The following MDGA2 variants were observed in gnomAD, a reference collection of about 807,000 sequenced individuals.
The protein encoded by MDGA2 is MAM domain containing glycosylphosphatidylinositol anchor 2.
MDGA2 carries 40 observed loss-of-function variants against 117.8 expected under a neutral mutation model. That is an observed-to-expected ratio of 0.34 (90% confidence interval 0.26 to 0.44). The LOEUF (loss-of-function observed/expected upper bound fraction) is 0.44, where lower values mean the gene tolerates loss of function less well. MDGA2 is among the 20% of genes least tolerant of loss of function. MDGA2 has a pLI of 1.00. For synonymous variants in MDGA2, 452 were observed against 439.0 expected (o/e 1.03, Z -0.37); for missense variants, 1,123 against 1,250.6 (o/e 0.90, Z 1.54).
intron 1 of MDGA2, among the ~76,000 whole-genome samples, chr14:47,330,006 C>A (rs1890249457): frequency 6.6e-6 from 1 of 151,866 alleles, no homozygotes. Flanking sequence ...AATATTCAAA[C>A]TGATGTTTAT....
chr14:46,864,725 G>C (rs1188688486), intron 14 of MDGA2, among the ~76,000 whole-genome samples: 1 of 151,212 alleles, frequency 6.6e-6, no homozygotes, highest in African/African-American at 2.4e-5. Flanking sequence ...TGAGAGCATA[G>C]ACTAATTCTT....
chr14:46,961,308 A>C (rs1002848874), intron 8 of MDGA2, among the ~76,000 whole-genome samples: 1 of 151,860 alleles, frequency 6.6e-6, no homozygotes, highest in Non-Finnish European at 1.5e-5. Flanking sequence ...TAACACCTCT[A>C]TTTCCTTCTT....
intron 14 of MDGA2, among the ~76,000 whole-genome samples, chr14:46,865,662 C>A (rs1448365178): frequency 6.6e-6 from 1 of 152,036 alleles, no homozygotes; most frequent in Non-Finnish European, 1.5e-5. Context: ...AGCCCAAAAT[C>A]TCCTGAAGCT....
At chr14:47,446,103 T>G (rs1893116305) in intron 1 of MDGA2, among the ~76,000 whole-genome samples, 1 of 152,120 alleles carries the variant, frequency 6.6e-6, no homozygotes, top group Admixed American at 6.6e-5. Flanking sequence ...AACTTTTTAC[T>G]CACTTCCTTA....
rs148212651 is a variant in MDGA2 at position 47,197,401 on chromosome 14, A to G, written c.595+20620T>C. 3.6e-4 allele frequency among the ~76,000 whole-genome samples: 55 copies of G among 152,100 alleles called. 1 individual carries two copies. The East Asian group carries it at 9.9e-3, about 27-fold the overall frequency. ...CAAAGCAAGAAGACAGCCATCTGCAAAGCAGAAAGTGCTCCGTGGCTCACT... is the reference window on the plus strand; with the variant it reads ...CAAAGCAAGAAGACAGCCATCTGCAGAGCAGAAAGTGCTCCGTGGCTCACT... On this transcript the variant is annotated intron_variant, in intron 3 of 16. Coordinates refer to ENST00000399232, the MANE Select transcript of MDGA2 (RefSeq NM_001113498.3).
chr14:46,901,442 T>C (rs2138447698), intron 10 of MDGA2, among the ~76,000 whole-genome samples: 1 of 152,318 alleles, frequency 6.6e-6, no homozygotes, highest in African/African-American at 2.4e-5. Context: ...TGCTTCTTGA[T>C]AGCATCTGTG....
chr14:47,169,971 T>G (rs1047409069), intron 3 of MDGA2, among the ~76,000 whole-genome samples: 36 of 152,072 alleles, frequency 2.4e-4, no homozygotes, highest in African/African-American at 8.2e-4. Flanking sequence ...AACATTCCAG[T>G]CAGGCCAAGA....
At chr14:47,476,749 T>C (rs887726869) in intron 1 of MDGA2, among the ~76,000 whole-genome samples, 1 of 152,166 alleles carries the variant, frequency 6.6e-6, no homozygotes, top group Non-Finnish European at 1.5e-5. Context: ...ATAGAGAAAA[T>C]ATAATTGAAA....
intron 3 of MDGA2, among the ~76,000 whole-genome samples, chr14:47,150,698 T>C (rs1594671439): frequency 6.6e-6 from 1 of 151,884 alleles, no homozygotes; most frequent in Non-Finnish European, 1.5e-5. Flanking sequence ...CCAAGGCAGG[T>C]GGATCACCTG....
Position 47,096,847 on chromosome 14 carries a change from A to G in MDGA2, c.1195+7T>C, listed in dbSNP as rs1418570219. ...TCTACGTTGTAACATTCTTTCAGCA[A>G]ACTTACCTCTCACAATGATGTTGGT... On this transcript the variant is annotated splice_region_variant and intron_variant, in intron 6 of 16. Transcript: ENST00000399232. 2 of 1,610,734 alleles carry G rather than the reference A, an allele frequency of 1.2e-6. No homozygotes were observed. The highest frequency in any genetic ancestry group is 1.7e-6 in the Non-Finnish European group (2 of 1,177,466).
rs1232849176 is a variant in MDGA2, at chr14:47,473,346, T to G, written c.281-171796A>C. Among the ~76,000 whole-genome samples, 7 of 152,256 alleles carry G rather than the reference T, an allele frequency of 4.6e-5. No homozygotes were observed. The East Asian group carries it at 1.4e-3, about 29-fold the overall frequency. ...CCATGGATGTAACAACTCTCACTTA[T>G]TACATAAACTATAACAATACTAATA... On this transcript the variant is annotated intron_variant, in intron 1 of 16. Coordinates refer to ENST00000399232, the MANE Select transcript of MDGA2 (RefSeq NM_001113498.3).
intron 3 of MDGA2, among the ~76,000 whole-genome samples, chr14:47,170,768 T>C (rs1376979409): frequency 2.0e-5 from 3 of 152,204 alleles, no homozygotes; most frequent in Non-Finnish European, 4.4e-5. Context: ...CTGACAAGTC[T>C]ACTTAAGAAA....
chr14:47,177,762 G>T lies in MDGA2; in HGVS notation c.596-33488C>A, dbSNP rs1884534086. ...ACACGTATACATATGTAACTAACTT[G>T]CACATTGTGCACATGTACCCTAAAA... On this transcript the variant is annotated intron_variant, in intron 3 of 16. Coordinates refer to ENST00000399232, the MANE Select transcript of MDGA2 (RefSeq NM_001113498.3). Among the ~76,000 whole-genome samples, 5 of 151,768 alleles carry T rather than the reference G, an allele frequency of 3.3e-5. No homozygotes were observed. The South Asian group carries it at 1.0e-3, about 32-fold the overall frequency.
intron 1 of MDGA2, among the ~76,000 whole-genome samples, chr14:47,462,418 A>G (rs2138594783): frequency 6.6e-6 from 1 of 152,058 alleles, no homozygotes; most frequent in Non-Finnish European, 1.5e-5. Context: ...TGTTCTCAAT[A>G]CAACTAGTGA....
chr14:47,192,186 T>A (rs1885138897), intron 3 of MDGA2, among the ~76,000 whole-genome samples: 1 of 152,162 alleles, frequency 6.6e-6, no homozygotes, highest in Admixed American at 6.5e-5. Context: ...GAGAAACAAT[T>A]GCTTTTCTAA....
chr14:47,492,863 T>C (rs1419934361), intron 1 of MDGA2, among the ~76,000 whole-genome samples: 1 of 152,130 alleles, frequency 6.6e-6, no homozygotes, highest in African/African-American at 2.4e-5. Flanking sequence ...TACAGTCTTT[T>C]GGTTCATAAT....
At chr14:47,530,481 C>T (rs1895073591) in intron 1 of MDGA2, among the ~76,000 whole-genome samples, 1 of 152,200 alleles carries the variant, frequency 6.6e-6, no homozygotes, top group Admixed American at 6.5e-5. Context: ...TCTCTGTATA[C>T]TGTACTTCTG....
At chr14:47,354,816 T>C (rs1162839499) in intron 1 of MDGA2, among the ~76,000 whole-genome samples, 1 of 152,108 alleles carries the variant, frequency 6.6e-6, no homozygotes, top group Non-Finnish European at 1.5e-5. Context: ...GTAATCTAGA[T>C]CTGGCTAACA....
chr14:47,592,007 A>C (rs1440368159), intron 1 of MDGA2, among the ~76,000 whole-genome samples: 1 of 152,064 alleles, frequency 6.6e-6, no homozygotes, highest in African/African-American at 2.4e-5. Flanking sequence ...ATCCTAGTCC[A>C]AAAGCTTCTT....
Sources: gnomAD v4.1 joint callset for allele counts (sites outside exome capture counted in the v4.1 genomes callset) on GRCh38, gnomAD v4.1.1 for gene constraint, MANE v1.5 for transcripts, NCBI Gene and HGNC (gene_info 2026-07-23, HGNC 2026-07-21) for gene names.